The following ELMOD2 variants were observed in gnomAD, a reference collection of about 807,000 sequenced individuals.
ELMOD2 encodes ELMO domain-containing protein 2.
ELMOD2 carries 28 observed loss-of-function variants against 41.0 expected under a neutral mutation model. The ratio of observed to expected loss-of-function variants is 0.68; its 90% confidence interval spans 0.51 to 0.94. The LOEUF is 0.94. ELMOD2 is among the 40% of genes least tolerant of loss of function. The pLI is 0.00. For missense variants in ELMOD2, 333 were observed against 343.1 expected, an observed-to-expected ratio of 0.97 and a Z score of 0.23; for synonymous variants, 106 against 107.2, an observed-to-expected ratio of 0.99 and a Z score of 0.07.
intron 8 of ELMOD2, among the ~76,000 whole-genome samples, chr4:140,548,061 A>T (rs1029654919): frequency 6.6e-6 from 1 of 152,274 alleles, no homozygotes; most frequent in East Asian, 1.9e-4. Flanking sequence ...ACTGATTTAT[A>T]TTATAGATCA....
intron 3 of ELMOD2, among the ~76,000 whole-genome samples, chr4:140,529,775 C>T (rs1043212528): frequency 2.6e-5 from 4 of 152,208 alleles, no homozygotes; most frequent in African/African-American, 9.6e-5. Context: ...ATGACATTCT[C>T]TATGAGATTT....
intron 3 of ELMOD2, among the ~76,000 whole-genome samples, chr4:140,533,776 T>G (rs1734823318): frequency 6.6e-6 from 1 of 152,112 alleles, no homozygotes; most frequent in Admixed American, 6.6e-5. Context: ...GGCAACAGAA[T>G]TTTTAATGGG....
At position 140,552,949 on chromosome 4, in the gene ELMOD2, G is replaced by A. The variant is rs1276362531; in HGVS notation, c.*2574G>A. 1 of 152,080 alleles carries A rather than the reference G, an allele frequency of 6.6e-6. No individual in the cohort carries two copies. Among genetic ancestry groups the A allele is most frequent in the Non-Finnish European group, 1.5e-5 (1 of 67,984 alleles). The allele number at this position is 152,080 out of a possible 1,614,324, so 9.4% of individuals were successfully genotyped here. A position where few individuals can be genotyped will look rare whatever the true frequency, so the allele number is the denominator to read the frequency against. ...TCTCTTTGTACATAAATATGGTGAT[G>A]TAGCTAGATATAAAAATCAGTGTCT... On this transcript the variant is annotated 3_prime_UTR_variant, in exon 9 of 9. Coordinates refer to ENST00000323570, the MANE Select transcript of ELMOD2 (RefSeq NM_153702.4).
chr4:140,536,102 T>A (rs1392539809), intron 4 of ELMOD2, among the ~76,000 whole-genome samples: 1 of 152,164 alleles, frequency 6.6e-6, no homozygotes, highest in East Asian at 1.9e-4. Context: ...CCAAGGTTAA[T>A]AACTTTGGCT....
At chr4:140,530,620 A>G (rs764255503) in intron 3 of ELMOD2, among the ~76,000 whole-genome samples, 1 of 152,218 alleles carries the variant, frequency 6.6e-6, no homozygotes. Flanking sequence ...TTGCTATAGT[A>G]CTTTGGAGGG....
At chr4:140,546,932 A>T (rs747844642) in intron 8 of ELMOD2, among the ~76,000 whole-genome samples, 3 of 152,150 alleles carry the variant, frequency 2.0e-5, no homozygotes, top group Non-Finnish European at 4.4e-5. Flanking sequence ...GAAGCTTATG[A>T]TTTTCAATTA....
chr4:140,549,352 C>T (rs78992836), intron 8 of ELMOD2, among the ~76,000 whole-genome samples: 1 of 150,416 alleles, frequency 6.6e-6, no homozygotes, highest in Admixed American at 6.6e-5. Context: ...TTTAAGTTTA[C>T]ATATATGTGT....
intron 3 of ELMOD2, among the ~76,000 whole-genome samples, chr4:140,530,414 A>C (rs1327320602): frequency 2.0e-5 from 3 of 152,198 alleles, no homozygotes; most frequent in African/African-American, 7.2e-5. Flanking sequence ...ATTGAATGTA[A>C]TTGTAAGTAG....
In ELMOD2 at chr4:140,553,410, A is replaced by G. The variant is rs1735521164; in HGVS notation, c.*3035A>G. On this transcript the variant is annotated 3_prime_UTR_variant, in exon 9 of 9. Coordinates refer to ENST00000323570, the MANE Select transcript of ELMOD2 (RefSeq NM_153702.4). ...AGGCTTACTTTCCATTTTCATATTT[A>G]TACACCTCTCTACAAAAGCAATTTT... 1 of 152,140 alleles carries G rather than the reference A, an allele frequency of 6.6e-6. No homozygotes were observed. The allele number at this position is 152,140 out of a possible 1,614,324, so 9.4% of individuals were successfully genotyped here. A position where few individuals can be genotyped will look rare whatever the true frequency, so the allele number is the denominator to read the frequency against.
Position 140,537,477 on chromosome 4 carries a change from T to C in ELMOD2, c.335T>C (p.Val112Ala). ...GGTTATAAACAGCTGTATTTGGATGTAGAAAGTGTGAGGAAAAGGCCATAT... is the reference window on the plus strand; with the variant it reads ...GGTTATAAACAGCTGTATTTGGATGCAGAAAGTGTGAGGAAAAGGCCATAT... ...ITGYKQLYLD[V>A]ESVRKRPYDS... is the part of the protein sequence containing the mutation. The change falls in exon 5 of 9, where the codon GTA (valine) becomes GCA (alanine). Residue 112 changes from valine (V) to alanine (A), a missense_variant. Val to Ala is a moderately conservative substitution (Grantham distance 64, BLOSUM62 0). Transcript: ENST00000323570. The C allele has an allele frequency of 6.3e-7, 1 of 1,584,576 alleles. No individual in the cohort carries two copies. Among genetic ancestry groups the C allele is most frequent in the Non-Finnish European group, 8.6e-7 (1 of 1,167,988 alleles).
intron 6 of ELMOD2, among the ~76,000 whole-genome samples, chr4:140,541,777 A>C (rs1735112973): frequency 1.3e-5 from 2 of 152,116 alleles, no homozygotes; most frequent in Non-Finnish European, 2.9e-5. Flanking sequence ...GTTGAAAATT[A>C]GAGCCAGTGA....
intron 8 of ELMOD2, among the ~76,000 whole-genome samples, chr4:140,547,370 C>T (rs1382181364): frequency 6.6e-6 from 1 of 152,090 alleles, no homozygotes; most frequent in Non-Finnish European, 1.5e-5. Flanking sequence ...TACGTCCAAA[C>T]TGTGAGCAGC....
chr4:140,525,311 A>AC (rs1473576206), intron 1 of ELMOD2, 109 bp from the exon 2 acceptor site: 1 of 1,202,086 alleles, frequency 8.3e-7, no homozygotes, highest in African/African-American at 1.5e-5. Context: ...AACAGACACA[A>AC]TGAAATGATA....
chr4:140,524,667 G>A (rs1358697594), intron 1 of ELMOD2: 29 of 985,180 alleles, frequency 2.9e-5, no homozygotes, highest in Non-Finnish European at 3.4e-5. Context: ...CAGAGGTGAC[G>A]TGTCTGTGGG....
intron 8 of ELMOD2, among the ~76,000 whole-genome samples, chr4:140,548,684 T>C (rs1433541373): frequency 6.6e-6 from 1 of 152,142 alleles, no homozygotes; most frequent in Non-Finnish European, 1.5e-5. Flanking sequence ...GCACCTCTCT[T>C]TCATCTTTGG....
chr4:140,543,154 A>C (rs1260396072), intron 7 of ELMOD2, among the ~76,000 whole-genome samples: 1 of 152,030 alleles, frequency 6.6e-6, no homozygotes, highest in Non-Finnish European at 1.5e-5. Flanking sequence ...TTTAGAAATC[A>C]ATGAGATTTG....
rs1734648208 is a variant in ELMOD2, at chr4:140,528,734, T to C, written c.171+1240T>C. ...AGAGTAACCTTTAAAATAGGTACTTTAATGATTTAGTTGTACTCTTTAAGA... is the reference window on the plus strand; with the variant it reads ...AGAGTAACCTTTAAAATAGGTACTTCAATGATTTAGTTGTACTCTTTAAGA... On this transcript the variant is annotated intron_variant, in intron 3 of 8. Transcript: ENST00000323570. Among the ~76,000 whole-genome samples the C allele has an allele frequency of 2.6e-5, 4 of 152,302 alleles. No homozygotes were observed. The South Asian group carries it at 6.2e-4, about 24-fold the overall frequency.
Position 140,540,314 on chromosome 4 carries a change from A to G in ELMOD2, c.533+13A>G, listed in dbSNP as rs892893032. On this transcript the variant is annotated intron_variant, in intron 6 of 8. Coordinates refer to ENST00000323570, the MANE Select transcript of ELMOD2 (RefSeq NM_153702.4). ...TAATCAATCTTGTGTAAGTGAAAGTAAACTTTCTTTTCTTCCCTAAATGAA... is the reference window on the plus strand; with the variant it reads ...TAATCAATCTTGTGTAAGTGAAAGTGAACTTTCTTTTCTTCCCTAAATGAA... 1.9e-6 allele frequency: 3 copies of G among 1,610,676 alleles called. No individual in the cohort carries two copies. In the African/African-American group the frequency reaches 4.0e-5, roughly 22 times the overall value.
chr4:140,529,433 T>C (rs577874573), intron 3 of ELMOD2, among the ~76,000 whole-genome samples: 3 of 152,334 alleles, frequency 2.0e-5, no homozygotes, highest in African/African-American at 7.2e-5. Flanking sequence ...CTGAGCTCTT[T>C]ATGTTATACC....
Sources: allele counts gnomAD v4.1 joint callset (sites outside exome capture counted in the v4.1 genomes callset), GRCh38; gene constraint gnomAD v4.1.1; transcripts MANE v1.5; gene names NCBI Gene and HGNC (gene_info 2026-07-23, HGNC 2026-07-21).